Variants in GUCY2C observed in about 807,000 individuals in gnomAD.
GUCY2C encodes guanylyl cyclase C.
GUCY2C carries 118 observed loss-of-function variants against 131.1 expected under a neutral mutation model. That is an observed-to-expected ratio of 0.90 (90% confidence interval 0.78 to 1.05). The LOEUF is 1.05. GUCY2C is among the 50% of genes least tolerant of loss of function. The pLI is 0.00. For missense variants in GUCY2C, 1,161 were observed against 1,304.4 expected (o/e 0.89, Z 1.69); for synonymous variants, 452 against 457.8 (o/e 0.99, Z 0.16).
Position 14,674,728 on chromosome 12 carries a change from A to G in GUCY2C, c.981T>C (p.Asn327=). The change falls in exon 8 of 27, where the codon AAT becomes AAC. Residue 327 remains asparagine (N), a synonymous_variant. Transcript: ENST00000261170. ...TKRDFALAYL[N]GILLFGHMLK... is the part of the protein sequence containing the mutation. The stretch of plus-strand genomic sequence containing the variant: ...GCATATGTCCAAAGAGCAGGATTCC[A>G]TTCAAATAGGCAAGAGCAAAGTCTC... 1 of 1,612,032 alleles carries G rather than the reference A, an allele frequency of 6.2e-7. No individual in the cohort carries two copies. The highest frequency in any genetic ancestry group is 8.5e-7 in the Non-Finnish European group (1 of 1,178,490).
chr12:14,639,104 C>G (rs1046915782), intron 19 of GUCY2C, among the ~76,000 whole-genome samples: 1 of 152,028 alleles, frequency 6.6e-6, no homozygotes, highest in Admixed American at 6.6e-5. Flanking sequence ...TCGAGACCAG[C>G]CTGGCCAACA....
At chr12:14,668,393 A>C (rs563559943) in intron 10 of GUCY2C, among the ~76,000 whole-genome samples, 1 of 152,090 alleles carries the variant, frequency 6.6e-6, no homozygotes, top group Admixed American at 6.5e-5. Context: ...CTGGTCTCGA[A>C]CTGCTGACCT....
rs1948653354 is a variant in GUCY2C at position 14,696,263 on chromosome 12, C to T, written c.186G>A (p.Leu62=). Residue 62 remains leucine, a synonymous_variant, in exon 1 of 27, where the codon CTG becomes CTA. Transcript: ENST00000261170. ...KNLEDAVNEG[L]EIVRGRLQNA... Reference sequence around the variant, plus strand: ...TTTGCAGACGTCCTCTCACTATTTCCAGCCCCTCATTCACCGCATCTTCCA... The same window carrying T: ...TTTGCAGACGTCCTCTCACTATTTCTAGCCCCTCATTCACCGCATCTTCCA... The T allele has an allele frequency of 1.2e-6, 2 of 1,614,052 alleles. No homozygotes were observed. Among genetic ancestry groups the T allele is most frequent in the South Asian group, 2.2e-5 (2 of 91,082 alleles).
At chr12:14,678,761 A>G (rs1304517044) in intron 6 of GUCY2C, among the ~76,000 whole-genome samples, 1 of 152,184 alleles carries the variant, frequency 6.6e-6, no homozygotes, top group Non-Finnish European at 1.5e-5. Context: ...AAGTGAAGTC[A>G]CGTGATCTGG....
chr12:14,651,298 C>G, intron 15 of GUCY2C, 109 bp downstream of exon 15: 2 of 616,052 alleles, frequency 3.2e-6, no homozygotes, highest in Non-Finnish European at 5.7e-6. Flanking sequence ...TGTGACCCCA[C>G]CAACTTTCCC....
In GUCY2C at chr12:14,640,220, C is replaced by T. The variant is rs7954471; in HGVS notation, c.2069-270G>A. ...CCTCAAAGCTGTAATCCCAGCACTT[C>T]GGGAGGCTGAGGTTGGGGGATCACT... On this transcript the variant is annotated intron_variant, in intron 18 of 26. Coordinates refer to ENST00000261170, the MANE Select transcript of GUCY2C (RefSeq NM_004963.4). Among the ~76,000 whole-genome samples the T allele has an allele frequency of 0.13, 19,565 of 151,910 alleles. 3,698 individuals carry two copies. Among genetic ancestry groups the T allele is most frequent in the African/African-American group, 0.42 (17,324 of 41,360 alleles).
chr12:14,618,802 A>G (rs1299399437), intron 24 of GUCY2C, among the ~76,000 whole-genome samples: 1 of 152,080 alleles, frequency 6.6e-6, no homozygotes, highest in Non-Finnish European at 1.5e-5. Context: ...GCCTGTCTCT[A>G]AAAAACAACA....
chr12:14,641,142 C>T lies in GUCY2C; in HGVS notation c.2008G>A (p.Ala670Thr), dbSNP rs587784572. ...TCTTTCCGCAGGATGATCTCCTGTGCGATGATCCCATAGCTGTACACATCT... is the reference window on the plus strand; with the variant it reads ...TCTTTCCGCAGGATGATCTCCTGTGTGATGATCCCATAGCTGTACACATCT... Reference protein sequence around the residue: ...KGDVYSYGIIAQEIILRKETF... With the variant: ...KGDVYSYGIITQEIILRKETF... The change falls in exon 18 of 27, where the codon GCA becomes ACA. Residue 670 changes from alanine (A) to threonine (T), a missense_variant. Ala to Thr is a moderately conservative substitution (Grantham distance 58). Coordinates refer to ENST00000261170, the MANE Select transcript of GUCY2C (RefSeq NM_004963.4). The T allele has an allele frequency of 3.3e-5, 54 of 1,613,436 alleles. No individual in the cohort carries two copies. In the Middle Eastern group the frequency reaches 5.0e-4, roughly 15 times the overall value.
intron 5 of GUCY2C, among the ~76,000 whole-genome samples, chr12:14,681,042 A>G (rs1948337926): frequency 6.6e-6 from 1 of 152,152 alleles, no homozygotes; most frequent in Non-Finnish European, 1.5e-5. Flanking sequence ...AGGTGAATTT[A>G]AAAAAACAGT....
At chr12:14,639,771 G>T in intron 19 of GUCY2C, 91 bp downstream of exon 19, 2 of 827,122 alleles carry the variant, frequency 2.4e-6, no homozygotes, top group Admixed American at 1.9e-5. Context: ...CTCCAGAACC[G>T]TAAGTGAATA....
At chr12:14,682,709 T>A (rs1465285909) in intron 4 of GUCY2C, among the ~76,000 whole-genome samples, 1 of 152,250 alleles carries the variant, frequency 6.6e-6, no homozygotes, top group Non-Finnish European at 1.5e-5. Flanking sequence ...AAACATTAAC[T>A]CCTGGCTTTC....
In GUCY2C at chr12:14,633,923, G is replaced by A. The variant is rs182204439; in HGVS notation, c.2158-5186C>T. Among the ~76,000 whole-genome samples the A allele has an allele frequency of 2.6e-5, 4 of 152,164 alleles. No homozygotes were observed. In the East Asian group the frequency reaches 7.7e-4, roughly 29 times the overall value. ...CTACATGATATAGACACCATAAAGT[G>A]GCTAAATACTTAAAATTTTTGGTGT... On this transcript the variant is annotated intron_variant, in intron 19 of 26. Coordinates refer to ENST00000261170, the MANE Select transcript of GUCY2C (RefSeq NM_004963.4).
At chr12:14,656,701 C>T in intron 11 of GUCY2C, 84 bp from the exon 12 acceptor site, 1 of 698,976 alleles carries the variant, frequency 1.4e-6, no homozygotes, top group Non-Finnish European at 2.6e-6. Flanking sequence ...AGTTTAGAAC[C>T]CTGGTATGCT....
intron 10 of GUCY2C, among the ~76,000 whole-genome samples, chr12:14,662,051 G>A (rs1947878359): frequency 6.6e-6 from 1 of 152,058 alleles, no homozygotes; most frequent in Non-Finnish European, 1.5e-5. Context: ...AAGACTGCAC[G>A]GGAAAGTCGT....
chr12:14,669,461 C>T (rs146945019), intron 10 of GUCY2C, among the ~76,000 whole-genome samples: 221 of 152,062 alleles, frequency 1.5e-3, no homozygotes, highest in African/African-American at 4.9e-3. Flanking sequence ...AGCAGTCTTC[C>T]TGCCTTGGCC....
At chr12:14,651,359 G>T in intron 15 of GUCY2C, 48 bp downstream of exon 15, 1 of 927,428 alleles carries the variant, frequency 1.1e-6, no homozygotes, top group Non-Finnish European at 1.8e-6. Context: ...AAGGCCTGCT[G>T]AATATTTTTA....
chr12:14,624,001 T>C (rs754495024), intron 21 of GUCY2C, among the ~76,000 whole-genome samples: 20 of 152,098 alleles, frequency 1.3e-4, no homozygotes, highest in Non-Finnish European at 1.8e-4. Context: ...ACTTGGAAAA[T>C]AGTGTGTTAT....
chr12:14,643,612 G>A lies in GUCY2C; in HGVS notation c.1892C>T (p.Thr631Ile). ...VVDSRMVVKI[T>I]DFGCNSILPP... is the part of the protein sequence containing the mutation. ...TAAAATGGAATTGCAGCCAAAATCA[G>A]TGATCTTCACCACCATTCTACTGTC... is the stretch of plus-strand genomic sequence containing the variant. The change falls in exon 17 of 27, where the codon ACT (threonine) becomes ATT (isoleucine). Residue 631 changes from threonine (T) to isoleucine (I), a missense_variant. Physicochemically the swap from Thr to Ile is moderately conservative, Grantham distance 89. Transcript: ENST00000261170. The A allele has an allele frequency of 6.2e-7, 1 of 1,613,798 alleles. No individual in the cohort carries two copies. The highest frequency in any genetic ancestry group is 8.5e-7 in the Non-Finnish European group (1 of 1,179,724).
chr12:14,621,236 T>G lies in GUCY2C; in HGVS notation c.2602-20A>C. ...TTCCACCTGTGGAAACAGTTTCTCATGAGTGCCTCTGCCCCTTTGAAAAGT... is the reference window on the plus strand; with the variant it reads ...TTCCACCTGTGGAAACAGTTTCTCAGGAGTGCCTCTGCCCCTTTGAAAAGT... On this transcript the variant is annotated intron_variant, in intron 22 of 26. Coordinates refer to ENST00000261170, the MANE Select transcript of GUCY2C (RefSeq NM_004963.4). The G allele has an allele frequency of 1.3e-6, 2 of 1,596,836 alleles. No homozygotes were observed. Among genetic ancestry groups the G allele is most frequent in the South Asian group, 2.2e-5 (2 of 90,582 alleles).
Sources: allele counts gnomAD v4.1 joint callset (sites outside exome capture counted in the v4.1 genomes callset), GRCh38; gene constraint gnomAD v4.1.1; transcripts MANE v1.5; gene names NCBI Gene and HGNC (gene_info 2026-07-23, HGNC 2026-07-21).